PPA1: variants seen among roughly 807,000 people sequenced by gnomAD.
The protein encoded by PPA1 is inorganic pyrophosphatase 1.
A neutral mutation model predicts 41.8 loss-of-function variants in PPA1; 23 were observed. That is an observed-to-expected ratio of 0.55 (90% CI 0.40 to 0.78). The LOEUF is 0.78. Among genes scored for constraint, PPA1 ranks in the 30% least tolerant of loss-of-function variants. The probability of loss-of-function intolerance (pLI) is 0.00; values close to 1 mark genes in which losing one functional copy is unlikely to be tolerated. For synonymous variants in PPA1, 101 were observed against 116.8 expected, an observed-to-expected ratio of 0.86 and a Z score of 0.87; for missense variants, 320 against 361.6, an observed-to-expected ratio of 0.89 and a Z score of 0.93.
rs559852163 is a variant in PPA1 at position 70,209,399 on chromosome 10, C to G, written c.640-109G>C. ...GTCTCTTCTGAATCATTTCCTTATT[C>G]TAAAAATGGAAGAGAATATTAAAGT... On this transcript the variant is annotated intron_variant, in intron 7 of 10. Coordinates refer to ENST00000373232, the MANE Select transcript of PPA1 (RefSeq NM_021129.4). The G allele has an allele frequency of 1.6e-4, 209 of 1,301,468 alleles. 1 individual carries two copies. Among genetic ancestry groups the G allele is most frequent in the Non-Finnish European group, 2.0e-4 (191 of 952,028 alleles). The allele number at this position is 1,301,468 out of a possible 1,614,324, so 80.6% of individuals were successfully genotyped here. A position where few individuals can be genotyped will look rare whatever the true frequency, so the allele number is the denominator to read the frequency against.
intron 2 of PPA1, among the ~76,000 whole-genome samples, chr10:70,229,338 C>G (rs548260299): frequency 6.6e-6 from 1 of 152,154 alleles, no homozygotes; most frequent in East Asian, 1.9e-4. Context: ...GCTATGTTGC[C>G]CAGTCTGGTC....
intron 2 of PPA1, among the ~76,000 whole-genome samples, chr10:70,220,766 T>TATATATA (rs1840142366): frequency 4.4e-5 from 1 of 22,558 alleles, no homozygotes; most frequent in Non-Finnish European, 6.7e-5. Flanking sequence ...ATATAATTTA[T>TATATATA]ATATATATAA....
intron 2 of PPA1, among the ~76,000 whole-genome samples, chr10:70,229,317 G>A (rs188497728): frequency 8.5e-5 from 13 of 152,268 alleles, no homozygotes; most frequent in Non-Finnish European, 1.5e-4. Flanking sequence ...ATTTTCCTAA[G>A]ACAGGTTCTT....
At chr10:70,205,647 C>T (rs187478351) in intron 9 of PPA1, 2 of 152,140 alleles carry the variant, frequency 1.3e-5, no homozygotes, top group Admixed American at 1.3e-4. Context: ...ATTAAATTGT[C>T]CTTTTTTCCT....
chr10:70,233,230 G>A (rs759735681), intron 1 of PPA1, 34 bp downstream of exon 1: 34 of 1,525,286 alleles, frequency 2.2e-5, no homozygotes, highest in Middle Eastern at 2.0e-4. Context: ...ATGGGCGGAC[G>A]GGCGCGGAGG....
rs1156838326 is a variant in PPA1, at chr10:70,233,315, TG to T, written c.12del (p.Phe4LeufsTer44). On this transcript the variant is annotated frameshift_variant, in exon 1 of 11. Transcript: ENST00000373232. LOFTEE classifies it high-confidence loss of function. MSG[F>X]STEERAAPFS... ...AAGGGCGCGGCGCGCTCCTCGGTGC[TG>T]AAGCCGCTCATAGTGCCGGAGTCCT... The T allele has an allele frequency of 2.6e-6, 4 of 1,540,232 alleles. No individual in the cohort carries two copies. The highest frequency in any genetic ancestry group is 2.6e-6 in the Non-Finnish European group (3 of 1,143,900).
At chr10:70,216,730 C>T (rs1469646071) in intron 4 of PPA1, among the ~76,000 whole-genome samples, 3 of 152,182 alleles carry the variant, frequency 2.0e-5, no homozygotes, top group Non-Finnish European at 4.4e-5. Context: ...TTAAGTGCCA[C>T]AGCACTGGCC....
At chr10:70,220,903 T>TC (rs1480110638) in intron 2 of PPA1, among the ~76,000 whole-genome samples, 1 of 5,998 alleles carries the variant, frequency 1.7e-4, no homozygotes, top group African/African-American at 1.1e-3. Flanking sequence ...TATATATAAT[T>TC]TATATATAAT....
At chr10:70,224,119 G>C (rs1840203672) in intron 2 of PPA1, among the ~76,000 whole-genome samples, 1 of 151,850 alleles carries the variant, frequency 6.6e-6, no homozygotes, top group Non-Finnish European at 1.5e-5. Context: ...AAATATAACT[G>C]TCTATTTCAG....
chr10:70,233,230 G>C (rs759735681), intron 1 of PPA1, 34 bp downstream of exon 1: 9 of 1,525,286 alleles, frequency 5.9e-6, no homozygotes, highest in Non-Finnish European at 7.0e-6. Flanking sequence ...ATGGGCGGAC[G>C]GGCGCGGAGG....
intron 2 of PPA1, among the ~76,000 whole-genome samples, chr10:70,220,910 T>A (rs1337550480): frequency 5.9e-5 from 1 of 16,872 alleles, no homozygotes; most frequent in African/African-American, 5.0e-4. Flanking sequence ...AATTTATATA[T>A]AATATATATA....
chr10:70,215,898 A>C (rs564368707), intron 4 of PPA1, among the ~76,000 whole-genome samples: 2 of 152,336 alleles, frequency 1.3e-5, no homozygotes, highest in Non-Finnish European at 2.9e-5. Context: ...CTAAATTGTA[A>C]GCCAGAGTCC....
intron 1 of PPA1, 95 bp from the exon 2 acceptor site, chr10:70,230,494 C>T: frequency 8.1e-7 from 1 of 1,231,960 alleles, no homozygotes; most frequent in South Asian, 1.4e-5. Flanking sequence ...AGGTCCCTTA[C>T]TCTGTCACCC....
intron 3 of PPA1, 105 bp downstream of exon 3, chr10:70,218,659 C>G: frequency 2.3e-6 from 2 of 882,764 alleles, no homozygotes; most frequent in Non-Finnish European, 3.6e-6. Flanking sequence ...TGGGACCAGA[C>G]AGAGAAAAAC....
At chr10:70,232,922 C>G (rs111416865) in intron 1 of PPA1, among the ~76,000 whole-genome samples, 104 of 151,988 alleles carry the variant, frequency 6.8e-4, no homozygotes, top group African/African-American at 1.7e-3. Flanking sequence ...ATGTTACTTC[C>G]AAGCACCTTT....
At chr10:70,214,469 C>A in intron 5 of PPA1, 31 bp downstream of exon 5, 4 of 1,567,138 alleles carry the variant, frequency 2.6e-6, no homozygotes, top group Non-Finnish European at 3.5e-6. Flanking sequence ...AATATCTCAA[C>A]ACTAAAGAAA....
intron 6 of PPA1, among the ~76,000 whole-genome samples, chr10:70,212,374 C>T (rs898363393): frequency 6.6e-6 from 1 of 152,172 alleles, no homozygotes; most frequent in Non-Finnish European, 1.5e-5. Context: ...TAAGTCCACA[C>T]AAAAACTTGT....
rs1178923363 is a variant in PPA1 at position 70,206,083 on chromosome 10, T to C, written c.795+181A>G. On this transcript the variant is annotated intron_variant, in intron 9 of 10. Transcript: ENST00000373232. ...GATTGATTAGAATCACTCCCTCAGCTTCTCCCTCAGTCAAATGGCCACTTG... is the reference window on the plus strand; with the variant it reads ...GATTGATTAGAATCACTCCCTCAGCCTCTCCCTCAGTCAAATGGCCACTTG... 5.1e-6 allele frequency: 3 copies of C among 590,668 alleles called. No homozygotes were observed. In the East Asian group the frequency reaches 8.5e-5, roughly 17 times the overall value. The allele number at this position is 590,668 out of a possible 1,614,324, so 36.6% of individuals were successfully genotyped here.
At chr10:70,216,201 A>G (rs68109215) in intron 4 of PPA1, among the ~76,000 whole-genome samples, 16,188 of 152,086 alleles carry the variant, frequency 0.11, 1,234 homozygotes, top group East Asian at 0.22. Context: ...TAATAAATCA[A>G]TTGAGGCCGG....
Sources: gnomAD v4.1 joint callset for allele counts (sites outside exome capture counted in the v4.1 genomes callset) on GRCh38, gnomAD v4.1.1 for gene constraint, MANE v1.5 for transcripts, NCBI Gene and HGNC (gene_info 2026-07-23, HGNC 2026-07-21) for gene names.